Variants in PTPRD observed in about 807,000 individuals in gnomAD.
The protein encoded by PTPRD is protein tyrosine phosphatase receptor type D.
A neutral mutation model predicts 214.5 loss-of-function variants in PTPRD; 34 were observed. That is an observed-to-expected ratio of 0.16 (90% CI 0.12 to 0.21). The LOEUF (loss-of-function observed/expected upper bound fraction) is 0.21, where lower values mean the gene tolerates loss of function less well. PTPRD is among the 10% of genes least tolerant of loss of function. The pLI, the probability that PTPRD is intolerant of heterozygous loss-of-function variation, is 1.00. For missense variants in PTPRD, 2,545 were observed against 2,398.7 expected (o/e 1.06, Z -1.27); for synonymous variants, 1,128 against 845.7 (o/e 1.33, Z -5.79).
chr9:10,250,925 AT>A (rs2092704722), intron 3 of PTPRD, among the ~76,000 whole-genome samples: 1 of 151,986 alleles, frequency 6.6e-6, no homozygotes, highest in Non-Finnish European at 1.5e-5. Context: ...TTTCTAAAAA[AT>A]ATTTGATTAT....
At chr9:9,426,107 G>C (rs920788018) in intron 8 of PTPRD, among the ~76,000 whole-genome samples, 2 of 152,112 alleles carry the variant, frequency 1.3e-5, no homozygotes, top group Non-Finnish European at 2.9e-5. Context: ...AGCAGGGTGA[G>C]GCATCGCCTC....
At chr9:8,917,294 ATTTTT>A (rs5896279) in intron 11 of PTPRD, among the ~76,000 whole-genome samples, 1 of 140,314 alleles carries the variant, frequency 7.1e-6, no homozygotes, top group Admixed American at 7.1e-5. Context: ...AGCCCAGCTA[ATTTTT>A]TTTTTTTTTT....
chr9:9,711,169 T>A (rs1230467146), intron 7 of PTPRD, among the ~76,000 whole-genome samples: 1 of 152,218 alleles, frequency 6.6e-6, no homozygotes, highest in East Asian at 1.9e-4. Flanking sequence ...GTATAGCTCA[T>A]ATTTATTTTA....
At chr9:8,370,788 G>C (rs191484256) in intron 39 of PTPRD, among the ~76,000 whole-genome samples, 2 of 152,022 alleles carry the variant, frequency 1.3e-5, no homozygotes, top group Middle Eastern at 3.2e-3. Context: ...CTAAAGTCTG[G>C]AGAATCTGCC....
At chr9:9,773,223 A>C (rs1393013541) in intron 5 of PTPRD, among the ~76,000 whole-genome samples, 1 of 152,118 alleles carries the variant, frequency 6.6e-6, no homozygotes, top group Non-Finnish European at 1.5e-5. Context: ...CATCCCCCCA[A>C]ATGAATAGTT....
chr9:10,600,407 C>A (rs745576000), intron 2 of PTPRD, among the ~76,000 whole-genome samples: 2 of 151,630 alleles, frequency 1.3e-5, no homozygotes, highest in Admixed American at 6.6e-5. Context: ...AAAGTACACC[C>A]AATTTCTTAA....
At chr9:8,719,886 A>G (rs562549366) in intron 12 of PTPRD, among the ~76,000 whole-genome samples, 1 of 152,248 alleles carries the variant, frequency 6.6e-6, no homozygotes, top group Non-Finnish European at 1.5e-5. Context: ...CTTGCATTTA[A>G]AAGTGTGTTA....
At chr9:10,076,604 G>C (rs1029649579) in intron 3 of PTPRD, among the ~76,000 whole-genome samples, 4 of 152,054 alleles carry the variant, frequency 2.6e-5, no homozygotes, top group African/African-American at 9.7e-5. Context: ...GAGCAGGTCT[G>C]TCAGCTCCTC....
intron 8 of PTPRD, among the ~76,000 whole-genome samples, chr9:9,446,329 A>G (rs2090391234): frequency 6.6e-6 from 1 of 152,140 alleles, no homozygotes; most frequent in African/African-American, 2.4e-5. Flanking sequence ...CTTCACAGAT[A>G]AAACAAGGAA....
intron 14 of PTPRD, among the ~76,000 whole-genome samples, chr9:8,538,590 T>C (rs1437760534): frequency 2.6e-5 from 4 of 151,472 alleles, no homozygotes; most frequent in South Asian, 2.1e-4. Flanking sequence ...ATAGTGTTGG[T>C]GTGAACACCT....
Position 9,650,541 on chromosome 9 carries a change from C to G in PTPRD, c.-286-75760G>C, listed in dbSNP as rs145894358. On this transcript the variant is annotated intron_variant, in intron 7 of 45. Transcript: ENST00000381196. ...TTTTCTTTTTTTGTTGTATCTTTGGCAGGTTTTGGTATCAGGATGATGCTG... is the reference window on the plus strand; with the variant it reads ...TTTTCTTTTTTTGTTGTATCTTTGGGAGGTTTTGGTATCAGGATGATGCTG... Among the ~76,000 whole-genome samples, 1,019 of 152,112 alleles carry G rather than the reference C, an allele frequency of 6.7e-3. 8 individuals carry two copies. Among genetic ancestry groups the G allele is most frequent in the African/African-American group, 0.023 (943 of 41,504 alleles).
chr9:9,923,096 GA>G (rs529699914), intron 5 of PTPRD, among the ~76,000 whole-genome samples: 5,322 of 145,080 alleles, frequency 0.037, 348 homozygotes, highest in African/African-American at 0.13. Flanking sequence ...AATGACTAAG[GA>G]AAAAAAAAGG....
At chr9:9,313,081 C>T (rs1356987865) in intron 9 of PTPRD, among the ~76,000 whole-genome samples, 1 of 151,980 alleles carries the variant, frequency 6.6e-6, no homozygotes, top group African/African-American at 2.4e-5. Context: ...CATTTGGGGT[C>T]TTTATTTTGA....
intron 5 of PTPRD, among the ~76,000 whole-genome samples, chr9:9,805,834 T>C (rs1374310831): frequency 6.6e-6 from 1 of 151,900 alleles, no homozygotes; most frequent in African/African-American, 2.4e-5. Flanking sequence ...TCCTATTGAG[T>C]GAGAAATAGA....
chr9:8,888,436 T>C (rs1053689571), intron 11 of PTPRD, among the ~76,000 whole-genome samples: 2 of 152,176 alleles, frequency 1.3e-5, no homozygotes, highest in African/African-American at 4.8e-5. Context: ...TTTTCAGGCA[T>C]TGCCTTGACT....
chr9:10,433,934 T>A (rs989279884), intron 2 of PTPRD, among the ~76,000 whole-genome samples: 1 of 152,032 alleles, frequency 6.6e-6, no homozygotes, highest in South Asian at 2.1e-4. Flanking sequence ...ATACCATTGG[T>A]AATGTAATAA....
At chr9:8,421,342 TTTC>T (rs1366687910) in intron 35 of PTPRD, among the ~76,000 whole-genome samples, 2 of 133,650 alleles carry the variant, frequency 1.5e-5, no homozygotes, top group South Asian at 4.6e-4. Context: ...TTCTTTTTCT[TTTC>T]TTTCTTCTTC....
chr9:9,845,658 C>A (rs562065258), intron 5 of PTPRD, among the ~76,000 whole-genome samples: 2 of 151,970 alleles, frequency 1.3e-5, no homozygotes, highest in South Asian at 4.2e-4. Context: ...CAGGTCTAAA[C>A]AATAAACTTG....
chr9:9,819,274 G>GATTTATTACAGGTCTCTATAACT, intron 5 of PTPRD, among the ~76,000 whole-genome samples: 1 of 152,102 alleles, frequency 6.6e-6, no homozygotes, highest in East Asian at 1.9e-4. Context: ...TCTCTATAAC[G>GATTTATTACAGGTCTCTATAACT]ATTTATTACA....
Sources: allele counts gnomAD v4.1 joint callset (sites outside exome capture counted in the v4.1 genomes callset), GRCh38; gene constraint gnomAD v4.1.1; transcripts MANE v1.5; gene names NCBI Gene and HGNC (gene_info 2026-07-23, HGNC 2026-07-21).